KCND2: variants seen among roughly 807,000 people sequenced by gnomAD.
The protein encoded by KCND2 is potassium voltage-gated channel subfamily D member 2, also known as A-type voltage-gated potassium channel KCND2.
Under a neutral mutation model 54.4 loss-of-function variants are expected in KCND2, and 16 were observed. That is an observed-to-expected ratio of 0.29 (90% CI 0.20 to 0.45). The LOEUF (loss-of-function observed/expected upper bound fraction) is 0.45. Among genes scored for constraint, KCND2 ranks in the 20% least tolerant of loss-of-function variants. The pLI is 1.00. For missense variants in KCND2, 486 were observed against 824.2 expected (o/e 0.59, Z 5.02); for synonymous variants, 317 against 310.7 (o/e 1.02, Z -0.21).
intron 1 of KCND2, among the ~76,000 whole-genome samples, chr7:120,609,095 A>G (rs1459883900): frequency 6.6e-6 from 1 of 152,096 alleles, no homozygotes; most frequent in Non-Finnish European, 1.5e-5. Context: ...CTGGTAGTGC[A>G]AAACTGTTCA....
At chr7:120,322,246 A>C (rs1339471629) in intron 1 of KCND2, among the ~76,000 whole-genome samples, 1 of 152,126 alleles carries the variant, frequency 6.6e-6, no homozygotes, top group Non-Finnish European at 1.5e-5. Flanking sequence ...TTCTATGTCA[A>C]ATATAAGCTG....
intron 1 of KCND2, among the ~76,000 whole-genome samples, chr7:120,662,976 T>C (rs886157175): frequency 1.3e-5 from 2 of 152,140 alleles, no homozygotes; most frequent in Non-Finnish European, 1.5e-5. Flanking sequence ...GGAATATGAC[T>C]AGAACTATTT....
chr7:120,652,701 A>G (rs1481845034), intron 1 of KCND2, among the ~76,000 whole-genome samples: 1 of 152,132 alleles, frequency 6.6e-6, no homozygotes, highest in Non-Finnish European at 1.5e-5. Context: ...TTTATGGAGA[A>G]CCTTGAGCTA....
chr7:120,584,725 A>G (rs1226443019), intron 1 of KCND2, among the ~76,000 whole-genome samples: 1 of 152,262 alleles, frequency 6.6e-6, no homozygotes, highest in Non-Finnish European at 1.5e-5. Context: ...GACATTCTGC[A>G]GACTGTGCAC....
chr7:120,416,423 A>G (rs895566380), intron 1 of KCND2, among the ~76,000 whole-genome samples: 2 of 152,194 alleles, frequency 1.3e-5, no homozygotes, highest in African/African-American at 2.4e-5. Context: ...CTTCATAGCA[A>G]TCTCCCTTGA....
At chr7:120,487,241 A>T (rs561938841) in intron 1 of KCND2, among the ~76,000 whole-genome samples, 165 of 152,024 alleles carry the variant, frequency 1.1e-3, no homozygotes, top group African/African-American at 2.9e-3. Flanking sequence ...ATTTTTTTTT[A>T]AAAAAAGAGG....
intron 1 of KCND2, among the ~76,000 whole-genome samples, chr7:120,344,589 G>GTAC (rs1800287240): frequency 6.6e-6 from 1 of 152,076 alleles, no homozygotes; most frequent in Admixed American, 6.6e-5. Context: ...CACATTAATC[G>GTAC]TACTAGATTA....
At chr7:120,662,008 T>C (rs1791871568) in intron 1 of KCND2, among the ~76,000 whole-genome samples, 1 of 152,222 alleles carries the variant, frequency 6.6e-6, no homozygotes, top group Non-Finnish European at 1.5e-5. Flanking sequence ...TTGCCTTTCC[T>C]TTTTCAACCT....
intron 1 of KCND2, among the ~76,000 whole-genome samples, chr7:120,491,906 G>T (rs901906473): frequency 2.0e-5 from 3 of 151,980 alleles, no homozygotes; most frequent in African/African-American, 7.2e-5. Context: ...GAGATTTTAT[G>T]CAACAATAAC....
intron 1 of KCND2, among the ~76,000 whole-genome samples, chr7:120,679,014 C>T (rs1417049043): frequency 6.6e-6 from 1 of 151,534 alleles, no homozygotes; most frequent in African/African-American, 2.4e-5. Context: ...TATATACAGA[C>T]AACATGATGA....
intron 1 of KCND2, among the ~76,000 whole-genome samples, chr7:120,480,083 A>G (rs1047508768): frequency 7.2e-5 from 11 of 151,790 alleles, no homozygotes; most frequent in Middle Eastern, 3.2e-3. Flanking sequence ...ATCAAAATAT[A>G]TATTATTATT....
chr7:120,279,849 A>G (rs1306325213), intron 1 of KCND2, among the ~76,000 whole-genome samples: 2 of 151,874 alleles, frequency 1.3e-5, no homozygotes, highest in Admixed American at 1.3e-4. Flanking sequence ...ATAATTATAT[A>G]TTATTAAAGA....
chr7:120,587,187 G>C (rs929261415), intron 1 of KCND2, among the ~76,000 whole-genome samples: 3 of 152,110 alleles, frequency 2.0e-5, no homozygotes, highest in African/African-American at 4.8e-5. Flanking sequence ...TTAGTCAAAT[G>C]TGCTCTAATA....
chr7:120,387,862 A>G (rs1019789868), intron 1 of KCND2, among the ~76,000 whole-genome samples: 5 of 152,178 alleles, frequency 3.3e-5, no homozygotes, highest in East Asian at 1.9e-4. Context: ...TATTGCTACC[A>G]CTAATGAAGA....
intron 1 of KCND2, among the ~76,000 whole-genome samples, chr7:120,528,906 A>G (rs773856430): frequency 6.6e-6 from 1 of 152,188 alleles, no homozygotes; most frequent in Non-Finnish European, 1.5e-5. Flanking sequence ...TTATAAACCT[A>G]TATAGCTAAT....
At chr7:120,635,729 A>G (rs1442183439) in intron 1 of KCND2, among the ~76,000 whole-genome samples, 3 of 152,208 alleles carry the variant, frequency 2.0e-5, no homozygotes, top group Non-Finnish European at 4.4e-5. Flanking sequence ...ATCTTTAAGA[A>G]CATCTTTGAA....
intron 1 of KCND2, among the ~76,000 whole-genome samples, chr7:120,386,242 T>C (rs919017737): frequency 6.6e-6 from 1 of 152,162 alleles, no homozygotes; most frequent in Non-Finnish European, 1.5e-5. Flanking sequence ...ATAATAAAAA[T>C]CATATTTATT....
intron 1 of KCND2, among the ~76,000 whole-genome samples, chr7:120,519,670 G>A (rs1306266180): frequency 6.6e-6 from 1 of 152,132 alleles, no homozygotes; most frequent in Non-Finnish European, 1.5e-5. Context: ...TATGTCAGCA[G>A]TAGAAAACTA....
intron 1 of KCND2, among the ~76,000 whole-genome samples, chr7:120,549,554 G>C (rs747849484): frequency 3.9e-5 from 6 of 152,128 alleles, no homozygotes; most frequent in Non-Finnish European, 8.8e-5. Context: ...GCAAATTATA[G>C]CTAGAGCACA....
Sources: gnomAD v4.1 joint callset for allele counts (sites outside exome capture counted in the v4.1 genomes callset) on GRCh38, gnomAD v4.1.1 for gene constraint, MANE v1.5 for transcripts, NCBI Gene and HGNC (gene_info 2026-07-23, HGNC 2026-07-21) for gene names.